USP24: variants seen among roughly 807,000 people sequenced by gnomAD.
USP24 encodes the protein ubiquitin specific peptidase 24, also known as ubiquitin carboxyl-terminal hydrolase 24.
A neutral mutation model predicts 361.6 loss-of-function variants in USP24; 97 were observed. That is an observed-to-expected ratio of 0.27 (90% confidence interval 0.23 to 0.32). The LOEUF is 0.32. Ranked by LOEUF, USP24 falls within the 10% of genes least tolerant of loss-of-function variation. USP24 has a pLI of 1.00. For synonymous variants in USP24, 1,098 were observed against 1,124.6 expected (o/e 0.98, Z 0.47); for missense variants, 2,353 against 3,165.6 (o/e 0.74, Z 6.16).
At chr1:55,107,993 T>C (rs1645838858) in intron 39 of USP24, among the ~76,000 whole-genome samples, 1 of 152,038 alleles carries the variant, frequency 6.6e-6, no homozygotes, top group Non-Finnish European at 1.5e-5. Flanking sequence ...CACTGTGCCA[T>C]ATGCTGAGGC....
At chr1:55,089,382 C>T (rs1467270642) in intron 55 of USP24, among the ~76,000 whole-genome samples, 4 of 152,148 alleles carry the variant, frequency 2.6e-5, no homozygotes, top group Non-Finnish European at 5.9e-5. Flanking sequence ...TTAAGACCCA[C>T]GTGCCTATGA....
At chr1:55,117,754 A>G (rs939198248) in intron 38 of USP24, among the ~76,000 whole-genome samples, 4 of 149,928 alleles carry the variant, frequency 2.7e-5, no homozygotes, top group African/African-American at 9.7e-5. Flanking sequence ...AAAAAAAAAA[A>G]AAAAAAAAAA....
At chr1:55,190,639 A>G (rs1644262377) in intron 1 of USP24, among the ~76,000 whole-genome samples, 1 of 152,240 alleles carries the variant, frequency 6.6e-6, no homozygotes, top group African/African-American at 2.4e-5. Flanking sequence ...CTGATTATAA[A>G]TTAATTAAAA....
intron 64 of USP24, 131 bp downstream of exon 64, chr1:55,073,697 C>T: frequency 7.3e-6 from 6 of 820,896 alleles, no homozygotes; most frequent in Non-Finnish European, 1.2e-5. Context: ...GTTTCTGTAC[C>T]TTCCAAGCAA....
intron 34 of USP24, 143 bp from the exon 35 acceptor site, chr1:55,124,771 T>C (rs1399257682): frequency 1.2e-6 from 1 of 855,554 alleles, no homozygotes; most frequent in South Asian, 1.8e-5. Context: ...CAAGCTGCCA[T>C]CCTGCTCAAG....
At chr1:55,159,308 T>C (rs1648021920) in intron 9 of USP24, among the ~76,000 whole-genome samples, 2 of 152,198 alleles carry the variant, frequency 1.3e-5, no homozygotes, top group Non-Finnish European at 2.9e-5. Context: ...TCTGGGTAAG[T>C]TGTAACACTG....
At chr1:55,208,643 A>G (rs969685563) in intron 1 of USP24, among the ~76,000 whole-genome samples, 13 of 151,332 alleles carry the variant, frequency 8.6e-5, no homozygotes, top group African/African-American at 2.7e-4. Context: ...AAATAAAACA[A>G]AACAAAAAAC....
At chr1:55,093,881 T>C (rs1177075323) in intron 52 of USP24, 56 bp downstream of exon 52, 6 of 1,603,786 alleles carry the variant, frequency 3.7e-6, no homozygotes, top group South Asian at 1.1e-5. Flanking sequence ...ACCTACTAGA[T>C]ACATTTTGAT....
At chr1:55,090,535 G>A (rs559416465) in intron 54 of USP24, among the ~76,000 whole-genome samples, 3 of 152,248 alleles carry the variant, frequency 2.0e-5, no homozygotes, top group South Asian at 4.1e-4. Flanking sequence ...TTTCTGAAGA[G>A]TTTCTTGACT....
At chr1:55,153,550 T>G (rs969292998) in intron 16 of USP24, among the ~76,000 whole-genome samples, 3 of 152,134 alleles carry the variant, frequency 2.0e-5, no homozygotes, top group Admixed American at 1.3e-4. Flanking sequence ...TTATTTGGAG[T>G]CCACTGTACT....
intron 5 of USP24, 140 bp downstream of exon 5, chr1:55,171,416 C>A: frequency 1.9e-6 from 2 of 1,073,198 alleles, no homozygotes; most frequent in Non-Finnish European, 2.6e-6. Context: ...AAAATGTAGG[C>A]AATTTTATGA....
At chr1:55,201,000 A>T (rs1644557048) in intron 1 of USP24, among the ~76,000 whole-genome samples, 1 of 152,264 alleles carries the variant, frequency 6.6e-6, no homozygotes, top group African/African-American at 2.4e-5. Context: ...TGTATACATT[A>T]TAAAGACACC....
At chr1:55,191,230 G>C (rs1644276853) in intron 1 of USP24, among the ~76,000 whole-genome samples, 1 of 152,140 alleles carries the variant, frequency 6.6e-6, no homozygotes, top group Admixed American at 6.5e-5. Context: ...TAATTGGTCA[G>C]TTTACGATTA....
At position 55,147,660 on chromosome 1, in the gene USP24, T is replaced by G. The variant is rs1647066547; in HGVS notation, c.2107A>C (p.Thr703Pro). 3.1e-6 allele frequency: 5 copies of G among 1,609,062 alleles called. No homozygotes were observed. Among genetic ancestry groups the G allele is most frequent in the Admixed American group, 1.7e-5 (1 of 59,102 alleles). The change falls in exon 18 of 68, where the codon ACT becomes CCT. Residue 703 changes from threonine to proline, a missense_variant. By Grantham distance (38) the Thr-to-Pro change is conservative. Transcript: ENST00000294383. ...SGSTLVDGRY[T>P]YREYLEAHLK... ...ACAAGGCCTGATACCTCCCGGTAAGTGTACCGGCCATCCACTAGTGTCGAG... is the reference window on the plus strand; with the variant it reads ...ACAAGGCCTGATACCTCCCGGTAAGGGTACCGGCCATCCACTAGTGTCGAG...
chr1:55,142,708 C>G, intron 23 of USP24, 34 bp downstream of exon 23: 1 of 1,376,310 alleles, frequency 7.3e-7, no homozygotes, highest in Non-Finnish European at 9.8e-7. Flanking sequence ...AAGCATTTAC[C>G]TCAAAGAGAT....
rs748220151 is a variant in USP24, at chr1:55,125,460, G to A, written c.3820C>T (p.Arg1274Ter). The change falls in exon 34 of 68, where the codon CGA (arginine) becomes TGA (stop). Residue 1274 changes from arginine to a stop codon, truncating the protein, a stop_gained. Coordinates refer to ENST00000294383, the MANE Select transcript of USP24 (RefSeq NM_015306.3). LOFTEE classifies it high-confidence loss of function. Reference protein sequence around the residue: ...GIEALSSRPFRNVSRQTSRQM... With the variant: ...GIEALSSRPF ...CTGCTTGTCTGCCGGCTGACATTTCGGAATGGGCGGGAAGAAAGTGCTTCT... is the reference window on the plus strand; with the variant it reads ...CTGCTTGTCTGCCGGCTGACATTTCAGAATGGGCGGGAAGAAAGTGCTTCT... 3 of 1,613,840 alleles carry A rather than the reference G, an allele frequency of 1.9e-6. No homozygotes were observed. The highest frequency in any genetic ancestry group is 1.7e-5 in the Admixed American group (1 of 59,996).
chr1:55,081,234 CAA>C, intron 59 of USP24, 86 bp downstream of exon 59: 3 of 1,331,984 alleles, frequency 2.3e-6, no homozygotes, highest in Non-Finnish European at 3.2e-6. Context: ...GAATGAGAAA[CAA>C]GAGACATTCA....
intron 32 of USP24, among the ~76,000 whole-genome samples, chr1:55,127,683 A>G (rs138053071): frequency 0.042 from 6,369 of 152,284 alleles, 345 homozygotes; most frequent in African/African-American, 0.13. Flanking sequence ...CAGTCCCACC[A>G]ACAGTGTAAA....
chr1:55,067,127 TAAGGGGACTAG>T lies in USP24; in HGVS notation c.*1907_*1917del, dbSNP rs1328785776. On this transcript the variant is annotated 3_prime_UTR_variant, in exon 68 of 68. Coordinates refer to ENST00000294383, the MANE Select transcript of USP24 (RefSeq NM_015306.3). ...CGGAAGGCGTTGTTTCCATAGGAAA[TAAGGGGACTAG>T]AAGTGGCAATTTCACTCCTGATTTT... 6.6e-6 allele frequency: 1 copy of T among 151,980 alleles called. No homozygotes were observed. Among genetic ancestry groups the T allele is most frequent in the Non-Finnish European group, 1.5e-5 (1 of 67,992 alleles). 9.4% of individuals were successfully genotyped at this position (151,980 alleles called of 1,614,324 possible). A position where few individuals can be genotyped will look rare whatever the true frequency, so the allele number is the denominator to read the frequency against.
Sources: gnomAD v4.1 joint callset for allele counts (sites outside exome capture counted in the v4.1 genomes callset) on GRCh38, gnomAD v4.1.1 for gene constraint, MANE v1.5 for transcripts, NCBI Gene and HGNC (gene_info 2026-07-23, HGNC 2026-07-21) for gene names.